Variants in SCYL2 observed in about 807,000 individuals in gnomAD.
SCYL2 encodes SCY1-like protein 2.
Under a neutral mutation model 100.4 loss-of-function variants are expected in SCYL2, and 36 were observed. That is an observed-to-expected ratio of 0.36 (90% CI 0.27 to 0.47). The LOEUF (loss-of-function observed/expected upper bound fraction) is 0.47, where lower values mean the gene tolerates loss of function less well. Among genes scored for constraint, SCYL2 ranks in the 20% least tolerant of loss-of-function variants. The probability of loss-of-function intolerance (pLI) is 1.00; values close to 1 mark genes in which losing one functional copy is unlikely to be tolerated. For synonymous variants in SCYL2, 330 were observed against 359.2 expected (o/e 0.92, Z 0.92); for missense variants, 902 against 1,083.9 (o/e 0.83, Z 2.36).
rs1047869115 is a variant in SCYL2 at position 100,305,096 on chromosome 12, G to A, written c.481-5948G>A. 4.6e-5 allele frequency among the ~76,000 whole-genome samples: 7 copies of A among 152,126 alleles called. No individual in the cohort carries two copies. In the South Asian group the frequency reaches 8.3e-4, roughly 18 times the overall value. On this transcript the variant is annotated intron_variant, in intron 4 of 17. Coordinates refer to ENST00000360820, the MANE Select transcript of SCYL2 (RefSeq NM_017988.6). ...CATTGTCAATATTAGACAGATCAACGAGACAGAAAATTAACAAGGATATTC... is the reference window on the plus strand; with the variant it reads ...CATTGTCAATATTAGACAGATCAACAAGACAGAAAATTAACAAGGATATTC...
In SCYL2 at chr12:100,315,741, T is replaced by C. The variant is rs753641530; in HGVS notation, c.1272+7T>C. On this transcript the variant is annotated splice_region_variant and intron_variant, in intron 9 of 17. Transcript: ENST00000360820. ...GCAGCAGGAGCCAATCCAGGTATGT[T>C]ATAGATATTTTTGTGTATTTATCTA... 8 of 1,590,398 alleles carry C rather than the reference T, an allele frequency of 5.0e-6. No homozygotes were observed. The highest frequency in any genetic ancestry group is 6.8e-6 in the Non-Finnish European group (8 of 1,168,950).
rs1466541397 is a variant in SCYL2 at position 100,312,498 on chromosome 12, T to C, written c.697T>C (p.Leu233=). Residue 233 remains leucine (L), a synonymous_variant, in exon 6 of 18, where the codon TTG becomes CTG. Coordinates refer to ENST00000360820, the MANE Select transcript of SCYL2 (RefSeq NM_017988.6). The part of the protein sequence containing the change: ...PSLCLPNPEY[L]APEYILSVSC... ...ATTGTGTCTTCCAAATCCTGAATAT[T>C]TGGCTCCTGAATACATACTTTCTGT... The C allele has an allele frequency of 1.9e-6, 3 of 1,613,786 alleles. No individual in the cohort carries two copies. Among genetic ancestry groups the C allele is most frequent in the Non-Finnish European group, 2.5e-6 (3 of 1,179,946 alleles).
Position 100,329,216 on chromosome 12 carries a change from C to T in SCYL2, c.1658C>T (p.Thr553Ile), listed in dbSNP as rs1952176967. 6.3e-7 allele frequency: 1 copy of T among 1,579,510 alleles called. No homozygotes were observed. Among genetic ancestry groups the T allele is most frequent in the African/African-American group, 1.3e-5 (1 of 74,184 alleles). The change falls in exon 13 of 18, where the codon ACT (threonine) becomes ATT (isoleucine). Residue 553 changes from threonine to isoleucine, a missense_variant. Thr to Ile is a moderately conservative substitution (Grantham distance 89). Transcript: ENST00000360820. ...LMGILGIYKC[T>I]FTHKKLGITK... is the part of the protein sequence containing the mutation. ...TTTCTATCAGGTATTTACAAATGTA[C>T]TTTTACTCATAAGAAGTTGGGAATC...
chr12:100,307,011 A>C (rs2096335335), intron 4 of SCYL2, among the ~76,000 whole-genome samples: 1 of 152,210 alleles, frequency 6.6e-6, no homozygotes, highest in Non-Finnish European at 1.5e-5. Flanking sequence ...AAACAAATGG[A>C]AAAACATTCC....
At chr12:100,294,057 C>T (rs1289831093) in intron 3 of SCYL2, among the ~76,000 whole-genome samples, 37 of 142,762 alleles carry the variant, frequency 2.6e-4, no homozygotes, top group Admixed American at 4.1e-4. Context: ...ACCTCCCAGA[C>T]GGGGTGGTGG....
chr12:100,311,179 CCTT>C lies in SCYL2; in HGVS notation c.619_621del (p.Ser207del), dbSNP rs754786149. The stretch of plus-strand genomic sequence containing the variant: ...TGATTTTTGTGTATCATCAACCAAT[CCTT>C]CTGAACAAGAGGTAATGAAAGTTTT... On this transcript the variant is annotated inframe_deletion, in exon 5 of 18. Coordinates refer to ENST00000360820, the MANE Select transcript of SCYL2 (RefSeq NM_017988.6). 2 of 1,592,720 alleles carry C rather than the reference CCTT, an allele frequency of 1.3e-6. No homozygotes were observed. The highest frequency in any genetic ancestry group is 1.4e-5 in the African/African-American group (1 of 73,498).
rs117391468 is a variant in SCYL2 at position 100,334,594 on chromosome 12, C to G, written c.1862+328C>G. On this transcript the variant is annotated intron_variant, in intron 14 of 17. Transcript: ENST00000360820. The stretch of plus-strand genomic sequence containing the variant: ...CTCAGGTTGCTGAAAACTAAAAGCA[C>G]CAATTAGGAAAATTTTTTAAATTTA... 2.2e-3 allele frequency among the ~76,000 whole-genome samples: 334 copies of G among 151,952 alleles called. 4 individuals carry two copies. In the East Asian group the frequency reaches 0.037, roughly 17 times the overall value.
rs1289157326 is a variant in SCYL2 at position 100,267,422 on chromosome 12, C to T, written c.-399C>T. On this transcript the variant is annotated 5_prime_UTR_variant, in exon 1 of 18. Transcript: ENST00000360820. ...GTAAGTGACCGGCCGCCGGCACCGA[C>T]CGACCTCCCTCACCGGCGGCTCTCT... 13 of 195,338 alleles carry T rather than the reference C, an allele frequency of 6.7e-5. No homozygotes were observed. The highest frequency in any genetic ancestry group is 1.2e-4 in the Non-Finnish European group (11 of 94,748). The allele number at this position is 195,338 out of a possible 1,614,324, so 12.1% of individuals were successfully genotyped here. A position where few individuals can be genotyped will look rare whatever the true frequency, so the allele number is the denominator to read the frequency against.
intron 11 of SCYL2, among the ~76,000 whole-genome samples, chr12:100,324,477 G>A (rs2135923925): frequency 6.6e-6 from 1 of 152,172 alleles, no homozygotes; most frequent in South Asian, 2.1e-4. Flanking sequence ...TTATCTGGTG[G>A]AATGTGAATT....
Position 100,334,263 on chromosome 12 carries a change from AG to A in SCYL2, c.1860del (p.Lys621AsnfsTer5). 6.5e-7 allele frequency: 1 copy of A among 1,537,420 alleles called. No homozygotes were observed. The highest frequency in any genetic ancestry group is 9.0e-7 in the Non-Finnish European group (1 of 1,115,692). On this transcript the variant is annotated frameshift_variant and splice_region_variant, in exon 14 of 18. Transcript: ENST00000360820. LOFTEE classifies it high-confidence loss of function. ...CAACTTCATATAATGCAAGAACAGC[AG>A]AAGTAAGTAGGTTGCACATGAATTA... ...LEQLHIMQEQ[Q>X]KSLDIGNQMN...
chr12:100,309,135 C>T (rs370839264), intron 4 of SCYL2, among the ~76,000 whole-genome samples: 88 of 122,450 alleles, frequency 7.2e-4, no homozygotes, highest in Admixed American at 4.0e-3. Flanking sequence ...TGTGTGTGTG[C>T]GCGCGCGTGT....
At chr12:100,316,832 T>A (rs2096349324) in intron 9 of SCYL2, among the ~76,000 whole-genome samples, 1 of 152,220 alleles carries the variant, frequency 6.6e-6, no homozygotes, top group African/African-American at 2.4e-5. Context: ...CCAGGTGCAG[T>A]GGCTCACGCT....
At chr12:100,283,222 T>C (rs2096300798) in intron 2 of SCYL2, 75 bp downstream of exon 2, 1 of 1,306,640 alleles carries the variant, frequency 7.7e-7, no homozygotes, top group African/African-American at 1.5e-5. Flanking sequence ...TGCATTTTTA[T>C]GTTAAGAAAT....
At chr12:100,308,118 C>T (rs1374674246) in intron 4 of SCYL2, among the ~76,000 whole-genome samples, 2 of 152,078 alleles carry the variant, frequency 1.3e-5, no homozygotes. Flanking sequence ...TACCATTTGA[C>T]CCAGCAATCT....
chr12:100,275,405 A>C (rs1443356578), intron 1 of SCYL2, among the ~76,000 whole-genome samples: 2 of 152,134 alleles, frequency 1.3e-5, no homozygotes, highest in Non-Finnish European at 2.9e-5. Context: ...TATGTTACCC[A>C]GGCTGATCTC....
chr12:100,301,390 T>A (rs1177679411), intron 4 of SCYL2, among the ~76,000 whole-genome samples: 2 of 152,244 alleles, frequency 1.3e-5, no homozygotes, highest in African/African-American at 2.4e-5. Context: ...TTATATATTC[T>A]GATTATTAAT....
At chr12:100,312,264 T>C (rs1387415058) in intron 5 of SCYL2, among the ~76,000 whole-genome samples, 168 bp from the exon 6 acceptor site, 1 of 152,216 alleles carries the variant, frequency 6.6e-6, no homozygotes, top group Non-Finnish European at 1.5e-5. Context: ...ATTTCTCATT[T>C]TGTTGCATGG....
chr12:100,293,686 T>C (rs2096313320), intron 3 of SCYL2, among the ~76,000 whole-genome samples: 1 of 152,028 alleles, frequency 6.6e-6, no homozygotes, highest in African/African-American at 2.4e-5. Flanking sequence ...CCTTCCGCAG[T>C]GTTTGTGTCC....
chr12:100,283,049 C>CCTGT lies in SCYL2; in HGVS notation c.81_84dup (p.Thr29CysfsTer3). The CCTGT allele has an allele frequency of 6.2e-7, 1 of 1,612,942 alleles. No homozygotes were observed. Among genetic ancestry groups the CCTGT allele is most frequent in the Non-Finnish European group, 8.5e-7 (1 of 1,179,244 alleles). On this transcript the variant is annotated frameshift_variant, in exon 2 of 18. Coordinates refer to ENST00000360820, the MANE Select transcript of SCYL2 (RefSeq NM_017988.6). LOFTEE classifies it high-confidence loss of function. ...TGTCACTAGTGCTGTAATGGGAAAT[C>CCTGT]CTGTCACTAGAGAATTTGATGTTGG...
Sources: allele counts gnomAD v4.1 joint callset (sites outside exome capture counted in the v4.1 genomes callset), GRCh38; gene constraint gnomAD v4.1.1; transcripts MANE v1.5; gene names NCBI Gene and HGNC (gene_info 2026-07-23, HGNC 2026-07-21).